LHFPL3: variants seen among roughly 807,000 people sequenced by gnomAD.
LHFPL3 encodes LHFPL tetraspan subfamily member 3.
LHFPL3 carries 5 observed loss-of-function variants against 19.3 expected under a neutral mutation model. That is an observed-to-expected ratio of 0.26 (90% CI 0.14 to 0.54). The LOEUF is 0.54. Among genes scored for constraint, LHFPL3 ranks in the 20% least tolerant of loss-of-function variants. LHFPL3 has a pLI of 0.94. For missense variants in LHFPL3, 249 were observed against 307.4 expected (o/e 0.81, Z 1.42); for synonymous variants, 133 against 126.2 (o/e 1.05, Z -0.36).
chr7:104,431,586 T>C (rs951106653), intron 1 of LHFPL3, among the ~76,000 whole-genome samples: 1 of 152,232 alleles, frequency 6.6e-6, no homozygotes, highest in Non-Finnish European at 1.5e-5. Context: ...GTACTTTCTC[T>C]AAAAATGCTT....
At chr7:104,748,236 G>T (rs577863757) in intron 2 of LHFPL3, among the ~76,000 whole-genome samples, 38 of 151,910 alleles carry the variant, frequency 2.5e-4, no homozygotes, top group African/African-American at 8.9e-4. Context: ...AGGGACCTCT[G>T]CCTAGGAAAG....
Position 104,352,063 on chromosome 7 carries a change from G to GC in LHFPL3, c.445+22840dup, listed in dbSNP as rs1790185303. Among the ~76,000 whole-genome samples the GC allele has an allele frequency of 2.0e-5, 3 of 152,042 alleles. No homozygotes were observed. The South Asian group carries it at 6.2e-4, about 32-fold the overall frequency. On this transcript the variant is annotated intron_variant, in intron 1 of 2. Coordinates refer to ENST00000424859, the MANE Select transcript of LHFPL3 (RefSeq NM_199000.3). ...AAAATAAAAATAAAAAATTAGCTGA[G>GC]CTGGGGCAGGAGGATCCTTTGAGCT...
At chr7:104,598,306 CA>C (rs1430703213) in intron 1 of LHFPL3, among the ~76,000 whole-genome samples, 1 of 152,136 alleles carries the variant, frequency 6.6e-6, no homozygotes, top group Non-Finnish European at 1.5e-5. Context: ...CAAGGGGCAC[CA>C]AAACTATTGT....
chr7:104,491,173 A>G (rs1319539419), intron 1 of LHFPL3, among the ~76,000 whole-genome samples: 1 of 152,156 alleles, frequency 6.6e-6, no homozygotes, highest in Non-Finnish European at 1.5e-5. Context: ...ACTGTGTTGC[A>G]TTTAAATCTT....
intron 1 of LHFPL3, among the ~76,000 whole-genome samples, chr7:104,505,920 C>T (rs1426410484): frequency 6.6e-6 from 1 of 152,164 alleles, no homozygotes; most frequent in East Asian, 1.9e-4. Flanking sequence ...TCTTTCCCTC[C>T]ACAGACAGTA....
At chr7:104,336,042 A>T (rs1352265172) in intron 1 of LHFPL3, among the ~76,000 whole-genome samples, 1 of 152,170 alleles carries the variant, frequency 6.6e-6, no homozygotes, top group African/African-American at 2.4e-5. Flanking sequence ...TCTCGTGATA[A>T]CTGGACTAGT....
intron 1 of LHFPL3, among the ~76,000 whole-genome samples, chr7:104,729,829 T>C (rs1230554030): frequency 6.6e-6 from 1 of 152,170 alleles, no homozygotes; most frequent in Admixed American, 6.6e-5. Context: ...ATGTGACATG[T>C]TGGTGTGCTG....
chr7:104,560,178 A>G (rs1375266878), intron 1 of LHFPL3, among the ~76,000 whole-genome samples: 88 of 135,374 alleles, frequency 6.5e-4, no homozygotes, highest in African/African-American at 1.4e-3. Flanking sequence ...TTGGTATCAG[A>G]ATGATGCTGG....
At chr7:104,586,945 A>G (rs1470405092) in intron 1 of LHFPL3, among the ~76,000 whole-genome samples, 1 of 152,144 alleles carries the variant, frequency 6.6e-6, no homozygotes. Flanking sequence ...AAGATTATGT[A>G]TCATTTTTCT....
chr7:104,569,761 G>A (rs2115983578), intron 1 of LHFPL3, among the ~76,000 whole-genome samples: 1 of 152,260 alleles, frequency 6.6e-6, no homozygotes, highest in South Asian at 2.1e-4. Flanking sequence ...CGGATTCCCT[G>A]TTGTATAGAA....
At chr7:104,465,556 G>A (rs34087310) in intron 1 of LHFPL3, among the ~76,000 whole-genome samples, 2 of 152,212 alleles carry the variant, frequency 1.3e-5, no homozygotes, top group East Asian at 1.9e-4. Context: ...CTCAGGAAAC[G>A]TAGCAGAAAG....
intron 1 of LHFPL3, among the ~76,000 whole-genome samples, chr7:104,487,734 TTCTTG>T (rs1372688926): frequency 1.3e-5 from 2 of 152,244 alleles, no homozygotes; most frequent in Non-Finnish European, 2.9e-5. Flanking sequence ...CATTGATCTT[TTCTTG>T]TCTTTTCTCC....
intron 1 of LHFPL3, among the ~76,000 whole-genome samples, chr7:104,613,902 G>T (rs1180763541): frequency 1.3e-5 from 2 of 152,148 alleles, no homozygotes; most frequent in Non-Finnish European, 2.9e-5. Flanking sequence ...TAGTGGGGAG[G>T]TTGGTCAGTG....
chr7:104,639,378 C>G (rs12671915), intron 1 of LHFPL3, among the ~76,000 whole-genome samples: 59,571 of 151,930 alleles, frequency 0.39, 12,319 homozygotes, highest in East Asian at 0.62. Context: ...GTGTTCACAG[C>G]AGTCTCTGAT....
intron 1 of LHFPL3, among the ~76,000 whole-genome samples, chr7:104,493,592 G>T (rs949383680): frequency 1.3e-5 from 2 of 151,990 alleles, no homozygotes; most frequent in African/African-American, 2.4e-5. Flanking sequence ...CCTGCTGATG[G>T]CCTCACTTTC....
intron 1 of LHFPL3, among the ~76,000 whole-genome samples, chr7:104,719,758 G>A (rs1273885525): frequency 6.6e-6 from 1 of 152,112 alleles, no homozygotes; most frequent in East Asian, 1.9e-4. Context: ...GATTTCACAT[G>A]CGTTGTTACT....
At chr7:104,608,198 T>C (rs1475470103) in intron 1 of LHFPL3, among the ~76,000 whole-genome samples, 2 of 152,002 alleles carry the variant, frequency 1.3e-5, no homozygotes, top group East Asian at 3.9e-4. Flanking sequence ...CATGCACACG[T>C]ATGTTTATTG....
chr7:104,373,815 C>T (rs1193468939), intron 1 of LHFPL3, among the ~76,000 whole-genome samples: 1 of 151,956 alleles, frequency 6.6e-6, no homozygotes, highest in African/African-American at 2.4e-5. Flanking sequence ...TTTGGGAGGG[C>T]CTGGAAGAAA....
chr7:104,668,958 C>T, intron 1 of LHFPL3: 1 of 1,612,400 alleles, frequency 6.2e-7, no homozygotes, highest in African/African-American at 1.3e-5. Context: ...GACACCCAAG[C>T]TGGCAAAGTG....
Sources: allele counts gnomAD v4.1 joint callset (sites outside exome capture counted in the v4.1 genomes callset), GRCh38; gene constraint gnomAD v4.1.1; transcripts MANE v1.5; gene names NCBI Gene and HGNC (gene_info 2026-07-23, HGNC 2026-07-21).